The following PDE3A variants were observed in gnomAD, a reference collection of about 807,000 sequenced individuals.
PDE3A encodes the protein phosphodiesterase 3A, also known as cGMP-inhibited 3',5'-cyclic phosphodiesterase 3A.
PDE3A carries 43 observed loss-of-function variants against 98.3 expected under a neutral mutation model. The observed-to-expected ratio is 0.44, with a 90% CI of 0.34 to 0.56. PDE3A has a LOEUF of 0.56. PDE3A is among the 20% of genes least tolerant of loss of function. The pLI is 0.01. For missense variants in PDE3A, 1,427 were observed against 1,440.7 expected (o/e 0.99, Z 0.15); for synonymous variants, 663 against 567.9 (o/e 1.17, Z -2.38).
chr12:20,551,501 C>G lies in PDE3A; in HGVS notation c.961-5159C>G, dbSNP rs548407350. ...GCATGGCCGTTCTTAGTTGGTGGAG[C>G]GATTTGTCTGGTTAATTCCGATAAC... is the stretch of plus-strand genomic sequence containing the variant. On this transcript the variant is annotated intron_variant, in intron 1 of 15. Coordinates refer to ENST00000359062, the MANE Select transcript of PDE3A (RefSeq NM_000921.5). The G allele has an allele frequency of 4.6e-6, 4 of 865,992 alleles. No homozygotes were observed. In the East Asian group the frequency reaches 1.1e-4, roughly 23 times the overall value. 53.6% of individuals were successfully genotyped at this position (865,992 alleles called of 1,614,324 possible).
chr12:20,654,379 G>A (rs750980171), intron 15 of PDE3A, among the ~76,000 whole-genome samples, 174 bp downstream of exon 15: 2 of 152,100 alleles, frequency 1.3e-5, no homozygotes, highest in Non-Finnish European at 2.9e-5. Flanking sequence ...CCCAGACTAT[G>A]GAATCTATAA....
chr12:20,375,715 C>G (rs926494493), intron 1 of PDE3A, among the ~76,000 whole-genome samples: 1 of 151,832 alleles, frequency 6.6e-6, no homozygotes, highest in Non-Finnish European at 1.5e-5. Context: ...ATAGATGTGA[C>G]ACAGCATTTG....
intron 1 of PDE3A, among the ~76,000 whole-genome samples, chr12:20,382,050 A>T (rs1219985272): frequency 6.6e-6 from 1 of 151,922 alleles, no homozygotes; most frequent in African/African-American, 2.4e-5. Flanking sequence ...ATATCATTTG[A>T]CACTCTCTAA....
At chr12:20,666,889 TACAA>T (rs1471594274) in intron 15 of PDE3A, among the ~76,000 whole-genome samples, 1 of 152,204 alleles carries the variant, frequency 6.6e-6, no homozygotes, top group East Asian at 1.9e-4. Flanking sequence ...CTTATATACC[TACAA>T]ACAGTGTTAT....
At chr12:20,384,227 T>G (rs1001443484) in intron 1 of PDE3A, among the ~76,000 whole-genome samples, 1 of 151,350 alleles carries the variant, frequency 6.6e-6, no homozygotes, top group Non-Finnish European at 1.5e-5. Flanking sequence ...TGCCTACACC[T>G]TCCGGAAGAT....
chr12:20,482,922 A>C (rs576566251), intron 1 of PDE3A, among the ~76,000 whole-genome samples: 1 of 152,308 alleles, frequency 6.6e-6, no homozygotes, highest in South Asian at 2.1e-4. Context: ...TTTTTCCTAG[A>C]AAGTGCAAAG....
rs748543098 is a variant in PDE3A, at chr12:20,639,973, T to G, written c.2251+16T>G. ...GATATTCCTTGTAAGTATATGTGAT[T>G]TGTGAAATAATACTTTTAAAATATG... On this transcript the variant is annotated intron_variant, in intron 10 of 15. Coordinates refer to ENST00000359062, the MANE Select transcript of PDE3A (RefSeq NM_000921.5). The G allele has an allele frequency of 2.5e-5, 27 of 1,089,166 alleles. No individual in the cohort carries two copies. The highest frequency in any genetic ancestry group is 3.5e-5 in the Non-Finnish European group (25 of 706,550). 67.5% of individuals were successfully genotyped at this position (1,089,166 alleles called of 1,614,324 possible).
intron 1 of PDE3A, among the ~76,000 whole-genome samples, chr12:20,502,984 A>G (rs1208164630): frequency 6.6e-6 from 1 of 152,138 alleles, no homozygotes; most frequent in Non-Finnish European, 1.5e-5. Context: ...ATAAATGGAG[A>G]TGATGCATAT....
chr12:20,459,723 A>G (rs1026927616), intron 1 of PDE3A, among the ~76,000 whole-genome samples: 27 of 152,200 alleles, frequency 1.8e-4, no homozygotes, highest in African/African-American at 6.3e-4. Flanking sequence ...ATGGGAAGAT[A>G]ATATACTTTT....
intron 1 of PDE3A, among the ~76,000 whole-genome samples, chr12:20,492,787 T>C (rs1191150086): frequency 6.6e-6 from 1 of 152,166 alleles, no homozygotes; most frequent in Non-Finnish European, 1.5e-5. Context: ...GTTACTGTCA[T>C]GGGCTGAATC....
intron 3 of PDE3A, among the ~76,000 whole-genome samples, chr12:20,615,525 G>GTGAT (rs1206045002): frequency 6.6e-6 from 1 of 152,054 alleles, no homozygotes; most frequent in Admixed American, 6.6e-5. Context: ...GTGGTGCAAG[G>GTGAT]TGATATAAAT....
At chr12:20,509,385 T>A (rs1946176345) in intron 1 of PDE3A, among the ~76,000 whole-genome samples, 1 of 152,056 alleles carries the variant, frequency 6.6e-6, no homozygotes, top group South Asian at 2.1e-4. Context: ...TACAGAATGT[T>A]CACTTTCTGT....
intron 1 of PDE3A, among the ~76,000 whole-genome samples, chr12:20,487,663 A>T (rs774466245): frequency 0.049 from 6,304 of 127,418 alleles, 203 homozygotes; most frequent in Non-Finnish European, 0.078. Context: ...AAGAAAAAAA[A>T]ATAAATAAAT....
chr12:20,674,238 A>G (rs1465835062), intron 15 of PDE3A, among the ~76,000 whole-genome samples: 1 of 152,056 alleles, frequency 6.6e-6, no homozygotes, highest in Non-Finnish European at 1.5e-5. Flanking sequence ...GTTTTTCTAG[A>G]TATAGGATTA....
chr12:20,375,373 A>G (rs926573967), intron 1 of PDE3A, among the ~76,000 whole-genome samples: 1 of 151,930 alleles, frequency 6.6e-6, no homozygotes, highest in Non-Finnish European at 1.5e-5. Context: ...TAGTAAGGCT[A>G]CTATGGAATT....
At chr12:20,676,403 A>G (rs1034762470) in intron 15 of PDE3A, among the ~76,000 whole-genome samples, 4 of 150,964 alleles carry the variant, frequency 2.6e-5, no homozygotes, top group African/African-American at 7.3e-5. Context: ...GGACTGAATG[A>G]TTTCTGCTGA....
intron 2 of PDE3A, among the ~76,000 whole-genome samples, chr12:20,609,149 A>G (rs182140813): frequency 1.6e-4 from 24 of 152,156 alleles, no homozygotes; most frequent in African/African-American, 5.8e-4. Context: ...AGATGACATG[A>G]TCTTTATATG....
At chr12:20,644,811 GCCT>G (rs928837339) in intron 10 of PDE3A, among the ~76,000 whole-genome samples, 103 of 148,976 alleles carry the variant, frequency 6.9e-4, no homozygotes, top group African/African-American at 2.2e-3. Flanking sequence ...TAGGATTTGA[GCCT>G]CCTCCTCCTC....
Position 20,637,226 on chromosome 12 carries a change from A to G in PDE3A, c.2128A>G (p.Ile710Val). Residue 710 changes from isoleucine to valine, a missense_variant, in exon 9 of 16, where the codon ATT becomes GTT. Ile to Val is a conservative substitution (Grantham distance 29). Around this residue, in one of 3 missense-constraint regions of PDE3A, gnomAD observed 273 missense variants for 420.3 expected, o/e 0.65. Coordinates refer to ENST00000359062, the MANE Select transcript of PDE3A (RefSeq NM_000921.5). ...AAATATAGGAAGAAAATGTGGCCGT[A>G]TTCTTAGTCAGGTAAGAAATGCATT... ...VENIGRKCGR[I>V]LSQVSYRLFE... 1 of 1,606,498 alleles carries G rather than the reference A, an allele frequency of 6.2e-7. No homozygotes were observed. The highest frequency in any genetic ancestry group is 8.5e-7 in the Non-Finnish European group (1 of 1,175,066).
Sources: allele counts gnomAD v4.1 joint callset (sites outside exome capture counted in the v4.1 genomes callset), GRCh38; gene constraint gnomAD v4.1.1; regional missense constraint gnomAD v4.1.1; transcripts MANE v1.5; gene names NCBI Gene and HGNC (gene_info 2026-07-23, HGNC 2026-07-21).